The following DNAH8 variants were observed in gnomAD, a reference collection of about 807,000 sequenced individuals.
The protein encoded by DNAH8 is dynein axonemal heavy chain 8.
DNAH8 carries 382 observed loss-of-function variants against 562.1 expected under a neutral mutation model. The ratio of observed to expected loss-of-function variants is 0.68; its 90% CI spans 0.63 to 0.74. The LOEUF (loss-of-function observed/expected upper bound fraction) is 0.74, where lower values mean the gene tolerates loss of function less well. DNAH8 is among the 30% of genes least tolerant of loss of function. The probability of loss-of-function intolerance (pLI) is 0.00; values close to 1 mark genes in which losing one functional copy is unlikely to be tolerated. For synonymous variants in DNAH8, 1,881 were observed against 1,919.4 expected, an observed-to-expected ratio of 0.98 and a Z score of 0.52; for missense variants, 5,203 against 5,620.4, an observed-to-expected ratio of 0.93 and a Z score of 2.37.
intron 85 of DNAH8, among the ~76,000 whole-genome samples, chr6:38,980,898 T>C (rs1281196318): frequency 2.0e-5 from 3 of 152,130 alleles, no homozygotes; most frequent in East Asian, 3.8e-4. Flanking sequence ...CTGAATTCCT[T>C]CTCTGACTTG....
At chr6:38,828,353 T>A in intron 30 of DNAH8, 65 bp downstream of exon 30, 10 of 969,778 alleles carry the variant, frequency 1.0e-5, no homozygotes, top group Non-Finnish European at 1.5e-5. Context: ...AAAGGTATTT[T>A]ATACCTTTTT....
chr6:38,858,401 T>A (rs1187044421), intron 42 of DNAH8, among the ~76,000 whole-genome samples: 1 of 152,222 alleles, frequency 6.6e-6, no homozygotes, highest in African/African-American at 2.4e-5. Context: ...TTTTAGAGAA[T>A]GTGATCACAG....
At chr6:38,725,908 G>C (rs534347674) in intron 3 of DNAH8, among the ~76,000 whole-genome samples, 1 of 152,274 alleles carries the variant, frequency 6.6e-6, no homozygotes, top group Admixed American at 6.5e-5. Flanking sequence ...TCACAAGTTG[G>C]GTTTGTTTGT....
intron 92 of DNAH8, among the ~76,000 whole-genome samples, chr6:39,027,707 T>A (rs1223478694): frequency 6.6e-6 from 1 of 152,152 alleles, no homozygotes; most frequent in Non-Finnish European, 1.5e-5. Flanking sequence ...GGCTGTAATG[T>A]CCCAGCTACT....
intron 14 of DNAH8, among the ~76,000 whole-genome samples, chr6:38,779,677 C>T (rs1768397100): frequency 6.6e-6 from 1 of 152,162 alleles, no homozygotes; most frequent in South Asian, 2.1e-4. Context: ...TTACTTGAAT[C>T]CCCAGACTTG....
chr6:38,850,511 T>C, intron 38 of DNAH8, 97 bp downstream of exon 38: 3 of 1,113,088 alleles, frequency 2.7e-6, no homozygotes, highest in Non-Finnish European at 3.8e-6. Flanking sequence ...TTGGTAGTGA[T>C]GGTTAAAGTG....
At chr6:38,863,126 A>C (rs1776764624) in intron 44 of DNAH8, among the ~76,000 whole-genome samples, 1 of 152,166 alleles carries the variant, frequency 6.6e-6, no homozygotes, top group Non-Finnish European at 1.5e-5. Context: ...TAGCAGGTGC[A>C]GATTCACTAT....
chr6:39,029,459 T>C (rs1284259190), intron 92 of DNAH8, among the ~76,000 whole-genome samples: 1 of 152,192 alleles, frequency 6.6e-6, no homozygotes. Context: ...TCAATTCTTA[T>C]CTTTAAAAAA....
intron 30 of DNAH8, among the ~76,000 whole-genome samples, chr6:38,829,277 G>A (rs776926855): frequency 1.3e-5 from 2 of 152,078 alleles, no homozygotes; most frequent in Non-Finnish European, 2.9e-5. Flanking sequence ...TTTCTCTTCT[G>A]TGGGTTATCT....
chr6:38,953,163 G>A (rs1048349209), intron 82 of DNAH8: 1 of 152,172 alleles, frequency 6.6e-6, no homozygotes, highest in South Asian at 2.1e-4. Flanking sequence ...ATGGTTCCAA[G>A]TTCCAATATC....
At position 38,834,631 on chromosome 6, in the gene DNAH8, AG is replaced by A; in HGVS notation, c.4356del (p.Ile1453TyrfsTer27). 4 of 1,608,276 alleles carry A rather than the reference AG, an allele frequency of 2.5e-6. No homozygotes were observed. The highest frequency in any genetic ancestry group is 3.4e-6 in the Non-Finnish European group (4 of 1,177,256). On this transcript the variant is annotated frameshift_variant, in exon 32 of 93. Transcript: ENST00000327475. LOFTEE classifies it high-confidence loss of function. ...CCCCAAGAAGCTAGCAACAGGCTAC[AG>A]ATATTTCAGGTGAAACCACATTTTT... is the stretch of plus-strand genomic sequence containing the variant. ...IPPQEASNRL[Q>X]IFQASFDDLW...
At chr6:38,923,964 G>A (rs759190356) in intron 72 of DNAH8, 27 bp from the exon 73 acceptor site, 4 of 1,612,714 alleles carry the variant, frequency 2.5e-6, no homozygotes, top group East Asian at 2.2e-5. Context: ...CTCACTTTGG[G>A]GAGGGGGCTG....
intron 53 of DNAH8, among the ~76,000 whole-genome samples, chr6:38,881,554 T>G (rs935988451): frequency 2.0e-5 from 3 of 150,436 alleles, no homozygotes; most frequent in Non-Finnish European, 3.0e-5. Flanking sequence ...TCAATGTTTT[T>G]TTTTTTTTTT....
At chr6:38,852,655 T>G (rs1017368183) in intron 39 of DNAH8, 39 bp from the exon 40 acceptor site, 22 of 1,436,606 alleles carry the variant, frequency 1.5e-5, no homozygotes, top group Non-Finnish European at 2.1e-5. Flanking sequence ...GCGGCTTTTG[T>G]GTCCAGCCTC....
chr6:38,843,492 A>C (rs1622342), intron 35 of DNAH8, among the ~76,000 whole-genome samples: 32,184 of 151,918 alleles, frequency 0.21, 4,275 homozygotes, highest in African/African-American at 0.37. Flanking sequence ...TGAGCATTTT[A>C]AACATAATTA....
At chr6:38,989,757 A>G (rs1764653129) in intron 87 of DNAH8, among the ~76,000 whole-genome samples, 1 of 152,198 alleles carries the variant, frequency 6.6e-6, no homozygotes, top group Non-Finnish European at 1.5e-5. Context: ...ATGGGCATGT[A>G]GAGTTGCTCT....
Position 38,822,964 on chromosome 6 carries a change from C to T in DNAH8, c.3650C>T (p.Ala1217Val). The T allele has an allele frequency of 1.2e-6, 2 of 1,613,402 alleles. No homozygotes were observed. Among genetic ancestry groups the T allele is most frequent in the African/African-American group, 1.3e-5 (1 of 74,988 alleles). ...SSSVNSLRKAAHEALQDFQKY... is the reference protein window; with the variant it reads ...SSSVNSLRKAVHEALQDFQKY... ...TCTGTAAATTCCCTAAGAAAGGCAGCTCATGAGGCCCTGCAGGACTTTCAG... is the reference window on the plus strand; with the variant it reads ...TCTGTAAATTCCCTAAGAAAGGCAGTTCATGAGGCCCTGCAGGACTTTCAG... Residue 1217 changes from alanine to valine, a missense_variant, in exon 27 of 93, where the codon GCT (alanine) becomes GTT (valine). Transcript: ENST00000327475.
chr6:38,976,771 T>G (rs977480153), intron 85 of DNAH8, among the ~76,000 whole-genome samples: 18 of 149,254 alleles, frequency 1.2e-4, no homozygotes, highest in Non-Finnish European at 3.0e-5. Flanking sequence ...AACATCTGAT[T>G]TGTTAATTGA....
chr6:38,848,950 A>G (rs1775523555), intron 37 of DNAH8, 149 bp downstream of exon 37: 1 of 687,148 alleles, frequency 1.5e-6, no homozygotes, highest in Admixed American at 2.7e-5. Flanking sequence ...TTTGTAAATA[A>G]AGTTTTATTG....
Sources: allele counts gnomAD v4.1 joint callset (sites outside exome capture counted in the v4.1 genomes callset), GRCh38; gene constraint gnomAD v4.1.1; transcripts MANE v1.5; gene names NCBI Gene and HGNC (gene_info 2026-07-23, HGNC 2026-07-21).